The following ZC3H15 variants were observed in gnomAD, a reference collection of about 807,000 sequenced individuals.
ZC3H15 encodes the protein zinc finger CCCH domain-containing protein 15.
A neutral mutation model predicts 51.2 loss-of-function variants in ZC3H15; 15 were observed. The ratio of observed to expected loss-of-function variants is 0.29; its 90% CI spans 0.20 to 0.45. ZC3H15 has a LOEUF of 0.45. Among genes scored for constraint, ZC3H15 ranks in the 20% least tolerant of loss-of-function variants. ZC3H15 has a pLI of 1.00. For synonymous variants in ZC3H15, 144 were observed against 162.8 expected (o/e 0.88, Z 0.88); for missense variants, 381 against 494.7 (o/e 0.77, Z 2.18).
In ZC3H15 at chr2:186,504,113, A is replaced by T; in HGVS notation, c.616A>T (p.Met206Leu). The T allele has an allele frequency of 1.2e-6, 2 of 1,610,642 alleles. No individual in the cohort carries two copies. Among genetic ancestry groups the T allele is most frequent in the Non-Finnish European group, 1.7e-6 (2 of 1,178,302 alleles). ...WVCPGGGDIC[M>L]YRHALPPGFV... ...ATGCCCTGGAGGGGGTGATATTTGC[A>T]TGTATCGTCATGCACTTCCTCCTGG... Residue 206 changes from methionine (M) to leucine (L), a missense_variant, in exon 6 of 10, where the codon ATG becomes TTG. Met to Leu is a conservative substitution (Grantham distance 15). Transcript: ENST00000337859.
intron 4 of ZC3H15, 56 bp from the exon 5 acceptor site, chr2:186,502,440 G>A (rs1685400931): frequency 1.4e-6 from 2 of 1,394,286 alleles, no homozygotes; most frequent in South Asian, 1.2e-5. Context: ...AAGGAGATAT[G>A]TGTTGTGGGA....
chr2:186,508,854 A>T lies in ZC3H15; in HGVS notation c.*121A>T. 1.8e-6 allele frequency: 2 copies of T among 1,110,952 alleles called. No individual in the cohort carries two copies. Among genetic ancestry groups the T allele is most frequent in the Non-Finnish European group, 2.5e-6 (2 of 784,608 alleles). 68.8% of individuals were successfully genotyped at this position (1,110,952 alleles called of 1,614,324 possible). ...TTCCTATGCTGATTCTGGAGGAGTT[A>T]ACCTCCTGCAAAAAAGGCATCTTGT... On this transcript the variant is annotated 3_prime_UTR_variant, in exon 10 of 10. Coordinates refer to ENST00000337859, the MANE Select transcript of ZC3H15 (RefSeq NM_018471.3).
At chr2:186,490,616 T>C (rs1300331072) in intron 1 of ZC3H15, among the ~76,000 whole-genome samples, 1 of 152,224 alleles carries the variant, frequency 6.6e-6, no homozygotes, top group East Asian at 1.9e-4. Context: ...CCTACCCGAA[T>C]GTCCCAAGAG....
chr2:186,506,691 T>C (rs551252470), intron 8 of ZC3H15, 22 bp from the exon 9 acceptor site: 1 of 1,587,688 alleles, frequency 6.3e-7, no homozygotes, highest in Non-Finnish European at 8.6e-7. Context: ...GTAACAACTT[T>C]CTTTTCTATA....
At position 186,501,359 on chromosome 2, in the gene ZC3H15, A is replaced by T; in HGVS notation, c.376A>T (p.Thr126Ser). The change falls in exon 4 of 10, where the codon ACT (threonine) becomes TCT (serine). Residue 126 changes from threonine (T) to serine (S), a missense_variant. Thr to Ser is a moderately conservative substitution (Grantham distance 58). Transcript: ENST00000337859. Reference protein sequence around the residue: ...GDKCKFSHDLTLERKCEKRSV... With the variant: ...GDKCKFSHDLSLERKCEKRSV... ...TAAGTGTAAGTTCTCCCATGACTTG[A>T]CTCTGGAGAGAAAATGTGAAAAGCG... The T allele has an allele frequency of 6.2e-7, 1 of 1,613,882 alleles. No individual in the cohort carries two copies. The highest frequency in any genetic ancestry group is 8.5e-7 in the Non-Finnish European group (1 of 1,179,914).
At chr2:186,503,898 T>G in intron 5 of ZC3H15, 134 bp from the exon 6 acceptor site, 1 of 629,840 alleles carries the variant, frequency 1.6e-6, no homozygotes, top group Middle Eastern at 3.2e-4. Context: ...AGAGCACCCT[T>G]ATGTGCAGAA....
Position 186,499,626 on chromosome 2 carries a change from C to T in ZC3H15, c.178-556C>T, listed in dbSNP as rs186128635. On this transcript the variant is annotated intron_variant, in intron 2 of 9. Coordinates refer to ENST00000337859, the MANE Select transcript of ZC3H15 (RefSeq NM_018471.3). Reference sequence around the variant, plus strand: ...CTCTGTCATCTAACATAGGACCTGACGTATAAATGTTTGGATGAATCCTCT... The same window carrying T: ...CTCTGTCATCTAACATAGGACCTGATGTATAAATGTTTGGATGAATCCTCT... 301 of 452,228 alleles carry T rather than the reference C, an allele frequency of 6.7e-4. 2 individuals carry two copies. In the East Asian group the frequency reaches 0.015, roughly 22 times the overall value. 28.0% of individuals were successfully genotyped at this position (452,228 alleles called of 1,614,324 possible).
intron 2 of ZC3H15, among the ~76,000 whole-genome samples, chr2:186,498,096 T>G (rs1685312599): frequency 6.6e-6 from 1 of 152,210 alleles, no homozygotes; most frequent in Non-Finnish European, 1.5e-5. Context: ...CTCTCCACCA[T>G]GCCCATCTCT....
intron 4 of ZC3H15, 47 bp from the exon 5 acceptor site, chr2:186,502,449 G>A: frequency 2.1e-6 from 3 of 1,445,544 alleles, no homozygotes; most frequent in Non-Finnish European, 2.9e-6. Flanking sequence ...TGTGTTGTGG[G>A]AGTAGTAGAT....
chr2:186,499,656 A>G (rs1685344560), intron 2 of ZC3H15: 1 of 442,874 alleles, frequency 2.3e-6, no homozygotes, highest in Non-Finnish European at 4.5e-6. Flanking sequence ...TCCTCTAATC[A>G]TATTAGGTAT....
intron 1 of ZC3H15, among the ~76,000 whole-genome samples, chr2:186,489,733 T>G (rs1373066599): frequency 1.3e-5 from 2 of 152,146 alleles, no homozygotes; most frequent in East Asian, 3.9e-4. Flanking sequence ...TTTTGGGAAC[T>G]CTAAGGAAGT....
rs143712910 is a variant in ZC3H15 at position 186,490,728 on chromosome 2, A to G, written c.75+4271A>G. ...TTTAAGCAGTGGAGGCTGGCCCGTA[A>G]AAGGAATGGGATTACGTACGGATGG... is the stretch of plus-strand genomic sequence containing the variant. On this transcript the variant is annotated intron_variant, in intron 1 of 9. Coordinates refer to ENST00000337859, the MANE Select transcript of ZC3H15 (RefSeq NM_018471.3). Among the ~76,000 whole-genome samples, 414 of 152,252 alleles carry G rather than the reference A, an allele frequency of 2.7e-3. 6 individuals are homozygous for G. The highest frequency in any genetic ancestry group is 8.3e-3 in the East Asian group (43 of 5,174).
At chr2:186,490,833 A>G (rs1685185973) in intron 1 of ZC3H15, among the ~76,000 whole-genome samples, 1 of 152,190 alleles carries the variant, frequency 6.6e-6, no homozygotes, top group South Asian at 2.1e-4. Flanking sequence ...TTTTCTTTCG[A>G]GACTCCTCTG....
At chr2:186,506,006 G>A in intron 8 of ZC3H15, 165 bp downstream of exon 8, 1 of 724,860 alleles carries the variant, frequency 1.4e-6, no homozygotes, top group Admixed American at 2.0e-5. Context: ...CATCTAATAT[G>A]GACATAATGA....
intron 5 of ZC3H15, among the ~76,000 whole-genome samples, chr2:186,503,611 C>G (rs888771945): frequency 3.3e-5 from 5 of 152,108 alleles, no homozygotes; most frequent in Admixed American, 1.3e-4. Context: ...CTCCTGACCT[C>G]AGCAGGTGAT....
intron 5 of ZC3H15, 102 bp downstream of exon 5, chr2:186,502,689 T>C (rs781369120): frequency 7.4e-5 from 71 of 959,662 alleles, no homozygotes; most frequent in Non-Finnish European, 1.0e-4. Context: ...TTCTGTAAGT[T>C]ACTGGAAAAT....
At position 186,506,765 on chromosome 2, in the gene ZC3H15, G is replaced by A. The variant is rs184966157; in HGVS notation, c.1019G>A (p.Arg340Lys). 6.2e-7 allele frequency: 1 copy of A among 1,613,816 alleles called. No homozygotes were observed. Among genetic ancestry groups the A allele is most frequent in the Non-Finnish European group, 8.5e-7 (1 of 1,179,812 alleles). The change falls in exon 9 of 10, where the codon AGA becomes AAA. Residue 340 changes from arginine (R) to lysine (K), a missense_variant. Transcript: ENST00000337859. ...ATAGATTTAAGCCTGTACATCCCAA[G>A]AGATGTAGATGAAACAGGTATTACT... Reference protein sequence around the residue: ...NDIDLSLYIPRDVDETGITVA... With the variant: ...NDIDLSLYIPKDVDETGITVA...
At chr2:186,486,612 G>C (rs999929659) in intron 1 of ZC3H15, among the ~76,000 whole-genome samples, 155 bp downstream of exon 1, 4 of 82,888 alleles carry the variant, frequency 4.8e-5, no homozygotes, top group African/African-American at 1.7e-4. Flanking sequence ...CCCTGATGAC[G>C]CTAGCTCTCT....
chr2:186,502,186 C>G (rs1186679776), intron 4 of ZC3H15, among the ~76,000 whole-genome samples: 1 of 151,676 alleles, frequency 6.6e-6, no homozygotes, highest in Non-Finnish European at 1.5e-5. Context: ...CCCATCTCTA[C>G]AAAAAAATAG....
Sources: allele counts gnomAD v4.1 joint callset (sites outside exome capture counted in the v4.1 genomes callset), GRCh38; gene constraint gnomAD v4.1.1; transcripts MANE v1.5; gene names NCBI Gene and HGNC (gene_info 2026-07-23, HGNC 2026-07-21).